The following MMD2 variants were observed in gnomAD, a reference collection of about 807,000 sequenced individuals.
The protein encoded by MMD2 is monocyte to macrophage differentiation associated 2.
MMD2 carries 30 observed loss-of-function variants against 33.5 expected under a neutral mutation model. The ratio of observed to expected loss-of-function variants is 0.90; its 90% CI spans 0.67 to 1.22. The LOEUF is 1.22. Ranked by LOEUF, MMD2 falls within the 50% of genes most tolerant of loss-of-function variation. MMD2 has a pLI of 0.00. For missense variants in MMD2, 364 were observed against 325.4 expected (o/e 1.12, Z -0.91); for synonymous variants, 129 against 123.0 (o/e 1.05, Z -0.32).
Position 4,951,669 on chromosome 7 carries a change from G to A in MMD2, c.47+7302C>T, listed in dbSNP as rs375315769. On this transcript the variant is annotated intron_variant, in intron 1 of 6. Transcript: ENST00000401401. ...GGCTGGAATGCAGTGGCACAATCAT[G>A]GCTCACTGTAACCTCAATCTCCTAG... Among the ~76,000 whole-genome samples, 8 of 152,204 alleles carry A rather than the reference G, an allele frequency of 5.3e-5. No homozygotes were observed. The South Asian group carries it at 8.3e-4, about 16-fold the overall frequency.
chr7:4,915,111 A>G (rs1483678304), intron 4 of MMD2, among the ~76,000 whole-genome samples: 1 of 151,874 alleles, frequency 6.6e-6, no homozygotes, highest in Non-Finnish European at 1.5e-5. Flanking sequence ...ATCTCTACAA[A>G]AATAAAAATA....
In MMD2 at chr7:4,911,220, CA is replaced by C; in HGVS notation, c.391del (p.Trp131GlyfsTer37). On this transcript the variant is annotated frameshift_variant, in exon 5 of 7. Coordinates refer to ENST00000401401, the MANE Select transcript of MMD2 (RefSeq NM_198403.4). LOFTEE classifies it high-confidence loss of function. ...PWLNLRELGPWASHMRWLVWI... is the reference protein window; with the variant it reads ...PWLNLRELGPXASHMRWLVWI... ...GACCAGCCAGCGCATGTGGGAGGCC[CA>C]GGGGCCCAGCTCCCGAAGGTTCAGC... is the stretch of plus-strand genomic sequence containing the variant. 1.3e-6 allele frequency: 2 copies of C among 1,598,516 alleles called. No homozygotes were observed. Among genetic ancestry groups the C allele is most frequent in the Non-Finnish European group, 1.7e-6 (2 of 1,173,104 alleles).
In MMD2 at chr7:4,911,216, G is replaced by A; in HGVS notation, c.396C>T (p.Ala132=). The part of the protein sequence containing the change: ...WLNLRELGPW[A]SHMRWLVWIM... ...TCCAGACCAGCCAGCGCATGTGGGA[G>A]GCCCAGGGGCCCAGCTCCCGAAGGT... Residue 132 remains alanine (A), a synonymous_variant, in exon 5 of 7, where the codon GCC becomes GCT. Transcript: ENST00000401401. 1 of 1,598,416 alleles carries A rather than the reference G, an allele frequency of 6.3e-7. No individual in the cohort carries two copies. Among genetic ancestry groups the A allele is most frequent in the East Asian group, 2.3e-5 (1 of 44,276 alleles).
intron 3 of MMD2, among the ~76,000 whole-genome samples, chr7:4,919,406 A>C (rs145350105): frequency 6.6e-6 from 1 of 151,236 alleles, no homozygotes; most frequent in South Asian, 2.1e-4. Flanking sequence ...CCATCTCTAC[A>C]AAAAGATACA....
At position 4,959,092 on chromosome 7, in the gene MMD2, G is replaced by GGCA. The variant is rs1295961429; in HGVS notation, c.-78_-76dup. 29 of 1,188,840 alleles carry GGCA rather than the reference G, an allele frequency of 2.4e-5. No homozygotes were observed. In the African/African-American group the frequency reaches 4.3e-4, roughly 18 times the overall value. 73.6% of individuals were successfully genotyped at this position (1,188,840 alleles called of 1,614,324 possible). On this transcript the variant is annotated 5_prime_UTR_variant, in exon 1 of 7. Transcript: ENST00000401401. ...GGCAGAGCCTGGGGGGCGCGGCGGC[G>GGCA]GCAGCAGCAGGTTGGAGGGCGCGCG...
At chr7:4,917,736 A>G (rs1785177761) in intron 3 of MMD2, among the ~76,000 whole-genome samples, 2 of 151,970 alleles carry the variant, frequency 1.3e-5, no homozygotes, top group African/African-American at 4.8e-5. Flanking sequence ...ATAAATAAAT[A>G]AACACCAACC....
intron 1 of MMD2, among the ~76,000 whole-genome samples, chr7:4,957,173 A>AAAAT (rs1554274443): frequency 7.1e-5 from 9 of 127,380 alleles, no homozygotes; most frequent in African/African-American, 2.4e-4. Context: ...CAAAAAAAAA[A>AAAAT]ATATATATAT....
At chr7:4,897,995 C>A in the MMD2 span, among the ~76,000 whole-genome samples, 1 of 152,190 alleles carries the variant, frequency 6.6e-6, no homozygotes, top group Non-Finnish European at 1.5e-5. Context: ...ACCTTGGCCT[C>A]CCAAAGTGCT....
intron 1 of MMD2, among the ~76,000 whole-genome samples, chr7:4,944,308 T>A (rs534336759): frequency 9.2e-5 from 14 of 152,108 alleles, no homozygotes; most frequent in Non-Finnish European, 1.9e-4. Flanking sequence ...TAGCAAATCC[T>A]TCCCATCCCT....
chr7:4,959,081 G>T lies in MMD2; in HGVS notation c.-64C>A, dbSNP rs1562500453. On this transcript the variant is annotated 5_prime_UTR_variant, in exon 1 of 7. Transcript: ENST00000401401. ...CGCGGGTAGCTGGCAGAGCCTGGGGGGCGCGGCGGCGGCAGCAGCAGGTTG... is the reference window on the plus strand; with the variant it reads ...CGCGGGTAGCTGGCAGAGCCTGGGGTGCGCGGCGGCGGCAGCAGCAGGTTG... 1 of 1,221,088 alleles carries T rather than the reference G, an allele frequency of 8.2e-7. No homozygotes were observed. The highest frequency in any genetic ancestry group is 1.0e-6 in the Non-Finnish European group (1 of 966,750). 75.6% of individuals were successfully genotyped at this position (1,221,088 alleles called of 1,614,324 possible). A position where few individuals can be genotyped will look rare whatever the true frequency, so the allele number is the denominator to read the frequency against.
intron 1 of MMD2, among the ~76,000 whole-genome samples, chr7:4,928,066 G>C (rs1444231922): frequency 6.6e-6 from 1 of 152,166 alleles, no homozygotes; most frequent in African/African-American, 2.4e-5. Flanking sequence ...ACCAGCAGCC[G>C]GGACCACAGC....
At chr7:4,915,411 T>A (rs1583361657) in intron 4 of MMD2, among the ~76,000 whole-genome samples, 1 of 152,156 alleles carries the variant, frequency 6.6e-6, no homozygotes, top group South Asian at 2.1e-4. Flanking sequence ...TGTGTATATA[T>A]GTAGACACAT....
rs181896812 is a variant in MMD2, at chr7:4,916,652, G to A, written c.291-573C>T. 4.6e-5 allele frequency among the ~76,000 whole-genome samples: 7 copies of A among 152,050 alleles called. No homozygotes were observed. The East Asian group carries it at 1.4e-3, about 30-fold the overall frequency. ...CCCGCCTCGGTCTCCTAAAGTGCTG[G>A]GATTACAAGCGTGAGCCACCGCACC... On this transcript the variant is annotated intron_variant, in intron 3 of 6. Coordinates refer to ENST00000401401, the MANE Select transcript of MMD2 (RefSeq NM_198403.4).
intron 5 of MMD2, 174 bp from the exon 6 acceptor site, chr7:4,910,124 G>A (rs755774210): frequency 2.1e-6 from 3 of 1,448,390 alleles, no homozygotes; most frequent in Admixed American, 1.9e-5. Flanking sequence ...CATCCAACAG[G>A]TGCTGGCAGT....
At chr7:4,951,446 C>T (rs1040644174) in intron 1 of MMD2, among the ~76,000 whole-genome samples, 3 of 152,028 alleles carry the variant, frequency 2.0e-5, no homozygotes, top group Admixed American at 6.6e-5. Context: ...ACTTCACCCC[C>T]CAATGGCCTC....
the MMD2 span, among the ~76,000 whole-genome samples, chr7:4,897,227 TAAAAAAA>T: frequency 5.0e-4 from 59 of 117,156 alleles, no homozygotes; most frequent in African/African-American, 1.6e-3. Context: ...GTGTTATATT[TAAAAAAA>T]AAAAAAAAAA....
At chr7:4,923,363 C>G (rs1219434079) in intron 2 of MMD2, among the ~76,000 whole-genome samples, 1 of 152,142 alleles carries the variant, frequency 6.6e-6, no homozygotes, top group African/African-American at 2.4e-5. Context: ...CTCAGCCACC[C>G]AAAGTGCTGG....
downstream of MMD2, among the ~76,000 whole-genome samples, chr7:4,902,514 C>T (rs976848605): frequency 2.0e-5 from 3 of 152,162 alleles, no homozygotes; most frequent in East Asian, 5.8e-4. Context: ...CTGTGTGAAT[C>T]GGTGAAGACA....
intron 1 of MMD2, among the ~76,000 whole-genome samples, chr7:4,949,580 C>T (rs1437989890): frequency 2.6e-5 from 4 of 151,828 alleles, no homozygotes; most frequent in Non-Finnish European, 5.9e-5. Context: ...GGTGCAATCT[C>T]GGCTCACTGC....
Sources: allele counts gnomAD v4.1 joint callset (sites outside exome capture counted in the v4.1 genomes callset), GRCh38; gene constraint gnomAD v4.1.1; transcripts MANE v1.5; gene names NCBI Gene and HGNC (gene_info 2026-07-23, HGNC 2026-07-21).